The following VPS13B variants were observed in gnomAD, a reference collection of about 807,000 sequenced individuals.
The protein encoded by VPS13B is intermembrane lipid transfer protein VPS13B.
VPS13B carries 285 observed loss-of-function variants against 426.4 expected under a neutral mutation model. The ratio of observed to expected loss-of-function variants is 0.67; its 90% confidence interval spans 0.61 to 0.74. The LOEUF (loss-of-function observed/expected upper bound fraction) is 0.74. Among genes scored for constraint, VPS13B ranks in the 30% least tolerant of loss-of-function variants. The pLI is 0.00. For missense variants in VPS13B, 4,537 were observed against 4,782.6 expected, an observed-to-expected ratio of 0.95 and a Z score of 1.51; for synonymous variants, 1,676 against 1,676.4, an observed-to-expected ratio of 1.00 and a Z score of 0.01.
intron 17 of VPS13B, among the ~76,000 whole-genome samples, chr8:99,264,420 A>T (rs1008002775): frequency 2.6e-5 from 4 of 152,078 alleles, no homozygotes; most frequent in African/African-American, 9.7e-5. Flanking sequence ...CTAGTGTAGG[A>T]AGTAAACTTT....
chr8:99,581,389 C>T (rs1463672066), intron 33 of VPS13B, among the ~76,000 whole-genome samples: 8 of 152,076 alleles, frequency 5.3e-5, no homozygotes, highest in African/African-American at 1.9e-4. Flanking sequence ...AGTTCACAGC[C>T]AAAATGACTG....
At chr8:99,054,208 G>C (rs1019362111) in intron 3 of VPS13B, among the ~76,000 whole-genome samples, 1 of 152,144 alleles carries the variant, frequency 6.6e-6, no homozygotes, top group Admixed American at 6.5e-5. Flanking sequence ...AGAATTGCTG[G>C]ATCATATAGT....
chr8:99,117,044 A>G (rs1283216717), intron 7 of VPS13B, among the ~76,000 whole-genome samples: 2 of 47,014 alleles, frequency 4.3e-5, no homozygotes, highest in East Asian at 6.5e-4. Flanking sequence ...TGATGTAGAA[A>G]GATGAAAGGA....
intron 12 of VPS13B, among the ~76,000 whole-genome samples, chr8:99,139,179 A>T (rs921716557): frequency 1.3e-5 from 2 of 152,186 alleles, no homozygotes; most frequent in African/African-American, 4.8e-5. Context: ...GAAATAGGAC[A>T]TTGTTAGCAT....
At chr8:99,215,675 T>C (rs556628337) in intron 17 of VPS13B, among the ~76,000 whole-genome samples, 2 of 152,288 alleles carry the variant, frequency 1.3e-5, no homozygotes, top group South Asian at 2.1e-4. Context: ...TACACTAATA[T>C]GAGCATTGTT....
At chr8:99,161,574 T>C (rs1811653776) in intron 15 of VPS13B, among the ~76,000 whole-genome samples, 1 of 152,202 alleles carries the variant, frequency 6.6e-6, no homozygotes, top group African/African-American at 2.4e-5. Context: ...AAAGGGCCTT[T>C]GCTACACATG....
chr8:99,568,104 G>T (rs147580618), intron 31 of VPS13B, among the ~76,000 whole-genome samples: 1 of 152,072 alleles, frequency 6.6e-6, no homozygotes, highest in Non-Finnish European at 1.5e-5. Context: ...AAGGGTTCAT[G>T]CCTGGCTGGG....
chr8:99,321,059 T>G (rs1224469832), intron 19 of VPS13B, among the ~76,000 whole-genome samples: 1 of 152,180 alleles, frequency 6.6e-6, no homozygotes, highest in Non-Finnish European at 1.5e-5. Flanking sequence ...CTATTGTCAG[T>G]TACAGACTGT....
Position 99,165,259 on chromosome 8 carries a change from C to T in VPS13B, c.2209-4780C>T, listed in dbSNP as rs372296195. Among the ~76,000 whole-genome samples, 32 of 152,072 alleles carry T rather than the reference C, an allele frequency of 2.1e-4. No homozygotes were observed. In the East Asian group the frequency reaches 4.1e-3, roughly 19 times the overall value. ...TATTTACTATAGTCTTCATGTTGTA[C>T]AATAGATCTTTTAAATTTATTTCTC... On this transcript the variant is annotated intron_variant, in intron 15 of 61. Transcript: ENST00000357162.
At chr8:99,750,103 T>C (rs1810318104) in intron 39 of VPS13B, among the ~76,000 whole-genome samples, 1 of 152,172 alleles carries the variant, frequency 6.6e-6, no homozygotes, top group Non-Finnish European at 1.5e-5. Context: ...GATTTATGTG[T>C]GTTTGAAATG....
intron 17 of VPS13B, among the ~76,000 whole-genome samples, chr8:99,247,652 A>G (rs923190483): frequency 6.6e-5 from 10 of 152,276 alleles, no homozygotes; most frequent in Admixed American, 3.9e-4. Flanking sequence ...GATGTGTTTA[A>G]CTAGTTTTCT....
Position 99,172,147 on chromosome 8 carries a change from C to T in VPS13B, c.2333+1984C>T, listed in dbSNP as rs1399638771. 3.3e-5 allele frequency among the ~76,000 whole-genome samples: 5 copies of T among 151,996 alleles called. No homozygotes were observed. The East Asian group carries it at 9.6e-4, about 29-fold the overall frequency. On this transcript the variant is annotated intron_variant, in intron 16 of 61. Transcript: ENST00000357162. ...CCAGTTAATCAAATATTCATTAGTC[C>T]CATTTCTTCATGTTCATGTTTGTTA...
rs1829921448 is a variant in VPS13B, at chr8:99,653,908, T to G, written c.5909-7446T>G. Reference sequence around the variant, plus strand: ...AATCGCAGAGCATGTGAAATACTGCTTATAGAGTTAGCCAAAGGTCTGGAT... The same window carrying G: ...AATCGCAGAGCATGTGAAATACTGCGTATAGAGTTAGCCAAAGGTCTGGAT... On this transcript the variant is annotated intron_variant, in intron 34 of 61. Coordinates refer to ENST00000357162, the MANE Select transcript of VPS13B (RefSeq NM_152564.5). 2.0e-5 allele frequency among the ~76,000 whole-genome samples: 3 copies of G among 152,108 alleles called. No homozygotes were observed. The South Asian group carries it at 6.2e-4, about 31-fold the overall frequency.
At chr8:99,050,846 C>G (rs1226684508) in intron 3 of VPS13B, among the ~76,000 whole-genome samples, 2 of 152,170 alleles carry the variant, frequency 1.3e-5, no homozygotes, top group Admixed American at 1.3e-4. Flanking sequence ...TGAGAAGTGT[C>G]TGTTCATATG....
At chr8:99,188,538 T>C (rs1031878545) in intron 16 of VPS13B, among the ~76,000 whole-genome samples, 1 of 152,236 alleles carries the variant, frequency 6.6e-6, no homozygotes, top group Admixed American at 6.5e-5. Flanking sequence ...TGAACATTCT[T>C]GTGCAATTTT....
intron 19 of VPS13B, among the ~76,000 whole-genome samples, chr8:99,291,689 G>C (rs1819742469): frequency 6.6e-6 from 1 of 152,092 alleles, no homozygotes; most frequent in Non-Finnish European, 1.5e-5. Context: ...TTGAATTGAA[G>C]AAGGGAGGAC....
chr8:99,869,293 C>T (rs927696542), intron 59 of VPS13B, among the ~76,000 whole-genome samples: 2 of 152,194 alleles, frequency 1.3e-5, no homozygotes, highest in Non-Finnish European at 2.9e-5. Context: ...TGTCTGCATC[C>T]GCATCTGGCC....
At chr8:99,429,840 C>A (rs1244972558) in intron 21 of VPS13B, among the ~76,000 whole-genome samples, 2 of 152,152 alleles carry the variant, frequency 1.3e-5, no homozygotes, top group Non-Finnish European at 2.9e-5. Flanking sequence ...TATTCAGAAT[C>A]TGTTATTCTG....
At chr8:99,528,448 TATG>T (rs1822764131) in intron 30 of VPS13B, among the ~76,000 whole-genome samples, 2 of 152,156 alleles carry the variant, frequency 1.3e-5, no homozygotes, top group Non-Finnish European at 2.9e-5. Context: ...GACTAGAACA[TATG>T]GTACTGTATG....
Sources: gnomAD v4.1 joint callset for allele counts (sites outside exome capture counted in the v4.1 genomes callset) on GRCh38, gnomAD v4.1.1 for gene constraint, MANE v1.5 for transcripts, NCBI Gene and HGNC (gene_info 2026-07-23, HGNC 2026-07-21) for gene names.